USH2A: variants seen among roughly 807,000 people sequenced by gnomAD.
The protein encoded by USH2A is usherin.
In USH2A, 443 loss-of-function variants were observed where a neutral mutation model predicts 538.9. The ratio of observed to expected loss-of-function variants is 0.82; its 90% CI spans 0.76 to 0.89. The LOEUF (loss-of-function observed/expected upper bound fraction) is 0.89. Ranked by LOEUF, USH2A falls within the 40% of genes least tolerant of loss-of-function variation. The pLI is 0.00. For synonymous variants in USH2A, 2,413 were observed against 2,273.5 expected (o/e 1.06, Z -1.75); for missense variants, 6,633 against 6,324.8 (o/e 1.05, Z -1.65).
intron 46 of USH2A, among the ~76,000 whole-genome samples, chr1:215,840,868 T>C (rs1382348263): frequency 3.9e-5 from 6 of 152,208 alleles, no homozygotes; most frequent in Non-Finnish European, 8.8e-5. Context: ...ATATTTCTAA[T>C]TTATTTGGAG....
chr1:215,888,776 C>T lies in USH2A; in HGVS notation c.7873G>A (p.Glu2625Lys). The T allele has an allele frequency of 6.2e-7, 1 of 1,614,088 alleles. No homozygotes were observed. Among genetic ancestry groups the T allele is most frequent in the Non-Finnish European group, 8.5e-7 (1 of 1,180,004 alleles). ...AACAGCTCTGGACTTGGGATCCCTT[C>T]CGGTGCCCCTGGGAGTGTCCATACA... is the stretch of plus-strand genomic sequence containing the variant. ...QTVWTLPGAP[E>K]GIPSPELFSD... Residue 2625 changes from glutamate to lysine, a missense_variant, in exon 41 of 72, where the codon GAA becomes AAA. Glu to Lys is a moderately conservative substitution (Grantham distance 56). Transcript: ENST00000307340.
chr1:215,863,976 T>A lies in USH2A; in HGVS notation c.8845+3031A>T, dbSNP rs371838241. On this transcript the variant is annotated intron_variant, in intron 44 of 71. Transcript: ENST00000307340. ...AATATTTTGATGATTTTTCATTTCC[T>A]CTTTTACAAAGCATTGCCCTCTCAC... Among the ~76,000 whole-genome samples the A allele has an allele frequency of 5.3e-4, 81 of 152,294 alleles. 4 individuals carry two copies. The South Asian group carries it at 0.014, about 26-fold the overall frequency.
chr1:216,343,905 C>T (rs946277790), intron 4 of USH2A, among the ~76,000 whole-genome samples: 4 of 151,988 alleles, frequency 2.6e-5, no homozygotes, highest in Non-Finnish European at 5.9e-5. Flanking sequence ...CATATGTTTT[C>T]TGCTTTTATT....
intron 47 of USH2A, among the ~76,000 whole-genome samples, chr1:215,833,398 C>A (rs761838077): frequency 6.6e-6 from 1 of 151,722 alleles, no homozygotes; most frequent in African/African-American, 2.4e-5. Context: ...GCCTACAAAA[C>A]GTGTTTAAAT....
At chr1:215,711,795 T>C (rs190444722) in intron 61 of USH2A, among the ~76,000 whole-genome samples, 77 of 152,320 alleles carry the variant, frequency 5.1e-4, no homozygotes, top group African/African-American at 1.9e-3. Context: ...GACAACATAT[T>C]GACCACACTC....
intron 9 of USH2A, 142 bp from the exon 10 acceptor site, chr1:216,292,512 CG>C: frequency 2.1e-6 from 2 of 948,294 alleles, no homozygotes; most frequent in Non-Finnish European, 1.5e-6. Context: ...AAAAATATTT[CG>C]TAAGTCAGAA....
At chr1:215,628,553 G>C (rs1407888053) in intron 71 of USH2A, among the ~76,000 whole-genome samples, 1 of 152,160 alleles carries the variant, frequency 6.6e-6, no homozygotes, top group African/African-American at 2.4e-5. Flanking sequence ...CAAGTGCTGG[G>C]ATTACAGGCA....
intron 20 of USH2A, among the ~76,000 whole-genome samples, chr1:216,188,855 A>T (rs1002409360): frequency 1.3e-5 from 2 of 151,856 alleles, no homozygotes; most frequent in Non-Finnish European, 2.9e-5. Context: ...TATGTCCCCT[A>T]CTATAACACA....
chr1:215,702,852 C>T (rs192401476), intron 61 of USH2A, among the ~76,000 whole-genome samples: 79 of 152,082 alleles, frequency 5.2e-4, no homozygotes, highest in African/African-American at 1.9e-3. Context: ...GTTTTGTTCC[C>T]TTGCTGGCGA....
At chr1:216,058,722 T>G (rs1167013756) in intron 30 of USH2A, among the ~76,000 whole-genome samples, 1 of 152,172 alleles carries the variant, frequency 6.6e-6, no homozygotes, top group East Asian at 1.9e-4. Context: ...GATAAAAGAC[T>G]GAGGAGACTT....
intron 38 of USH2A, among the ~76,000 whole-genome samples, chr1:215,903,137 G>C (rs190019556): frequency 3.3e-5 from 5 of 152,160 alleles, no homozygotes; most frequent in African/African-American, 1.2e-4. Flanking sequence ...AAAGAAAGAA[G>C]GCACATGAAA....
At chr1:215,801,494 A>G (rs1662332395) in intron 49 of USH2A, among the ~76,000 whole-genome samples, 1 of 152,058 alleles carries the variant, frequency 6.6e-6, no homozygotes, top group Admixed American at 6.6e-5. Flanking sequence ...ATACACTAAG[A>G]ATGAACAACA....
chr1:215,777,680 A>G (rs1661503921), intron 55 of USH2A, among the ~76,000 whole-genome samples: 1 of 152,192 alleles, frequency 6.6e-6, no homozygotes, highest in East Asian at 1.9e-4. Flanking sequence ...TAAGAGCAGC[A>G]GTCTTATTTT....
intron 41 of USH2A, 86 bp from the exon 42 acceptor site, chr1:215,879,184 T>G: frequency 8.2e-7 from 1 of 1,215,798 alleles, no homozygotes; most frequent in East Asian, 2.3e-5. Flanking sequence ...TTTGCTCTTG[T>G]TTTCAGTTAA....
intron 4 of USH2A, among the ~76,000 whole-genome samples, chr1:216,355,561 A>G (rs1458681241): frequency 2.6e-5 from 4 of 152,136 alleles, no homozygotes; most frequent in African/African-American, 9.6e-5. Context: ...ATTTTTACAC[A>G]AGCTGAGAGA....
At chr1:215,770,634 CAA>C (rs1661249936) in intron 55 of USH2A, among the ~76,000 whole-genome samples, 1 of 151,998 alleles carries the variant, frequency 6.6e-6, no homozygotes. Context: ...GACATACTAG[CAA>C]AAGTTTATTG....
chr1:216,270,590 ACTT>A (rs1392868229), intron 11 of USH2A, among the ~76,000 whole-genome samples: 2 of 152,222 alleles, frequency 1.3e-5, no homozygotes, highest in Non-Finnish European at 2.9e-5. Context: ...AGTTTCTACC[ACTT>A]CTTCTTTCAG....
At chr1:215,870,355 C>T (rs531680341) in intron 43 of USH2A, among the ~76,000 whole-genome samples, 10 of 150,738 alleles carry the variant, frequency 6.6e-5, no homozygotes, top group African/African-American at 2.4e-4. Flanking sequence ...AGTGCAGTGG[C>T]GCGATCTCAG....
chr1:216,001,364 G>A (rs1230806702), intron 32 of USH2A, among the ~76,000 whole-genome samples: 2 of 152,026 alleles, frequency 1.3e-5, no homozygotes, highest in Admixed American at 1.3e-4. Context: ...ATGAGACTAG[G>A]GTAGTGCCCT....
Sources: gnomAD v4.1 joint callset for allele counts (sites outside exome capture counted in the v4.1 genomes callset) on GRCh38, gnomAD v4.1.1 for gene constraint, MANE v1.5 for transcripts, NCBI Gene and HGNC (gene_info 2026-07-23, HGNC 2026-07-21) for gene names.